CLCN7: variants seen among roughly 807,000 people sequenced by gnomAD.
CLCN7 encodes the protein H(+)/Cl(-) exchange transporter 7.
Under a neutral mutation model 102.1 loss-of-function variants are expected in CLCN7, and 60 were observed. That is an observed-to-expected ratio of 0.59 (90% CI 0.48 to 0.73). CLCN7 has a LOEUF of 0.73. CLCN7 is among the 30% of genes least tolerant of loss of function. The pLI, the probability that CLCN7 is intolerant of heterozygous loss-of-function variation, is 0.00. For synonymous variants in CLCN7, 560 were observed against 490.5 expected, an observed-to-expected ratio of 1.14 and a Z score of -1.87; for missense variants, 962 against 1,125.7, an observed-to-expected ratio of 0.85 and a Z score of 2.08.
intron 1 of CLCN7, among the ~76,000 whole-genome samples, chr16:1,470,216 C>T (rs1037513631): frequency 1.2e-4 from 18 of 152,210 alleles, no homozygotes; most frequent in African/African-American, 4.1e-4. Context: ...AGGCTGGTCT[C>T]TAAGTCCTGG....
intron 16 of CLCN7, 94 bp downstream of exon 16, chr16:1,451,529 G>T: frequency 9.4e-7 from 1 of 1,058,752 alleles, no homozygotes; most frequent in Non-Finnish European, 1.4e-6. Context: ...CCCCAGCCCA[G>T]GGCTGCAACC....
intron 2 of CLCN7, 35 bp from the exon 3 acceptor site, chr16:1,461,709 T>C (rs371557997): frequency 1.6e-5 from 26 of 1,578,278 alleles, no homozygotes; most frequent in Non-Finnish European, 2.1e-5. Flanking sequence ...GAAGCACAGT[T>C]GACAAGGCCA....
rs371040052 is a variant in CLCN7, at chr16:1,457,673, T to C, written c.738+21A>G. 150 of 1,612,502 alleles carry C rather than the reference T, an allele frequency of 9.3e-5. No individual in the cohort carries two copies. Among genetic ancestry groups the C allele is most frequent in the Non-Finnish European group, 1.2e-4 (137 of 1,179,570 alleles). On this transcript the variant is annotated intron_variant, in intron 8 of 24. Transcript: ENST00000382745. The surrounding 1 kb of genome is among the most constrained non-coding windows in gnomAD (Gnocchi z 5.4). ...CGGCGGCCTCAGGCTCCAGCTGGAG[T>C]GGCCATGTGCACTTTGTTACCTTTC...
In CLCN7 at chr16:1,447,408, G is replaced by T; in HGVS notation, c.2234C>A (p.Pro745His). 1.3e-6 allele frequency: 2 copies of T among 1,550,342 alleles called. No homozygotes were observed. Among genetic ancestry groups the T allele is most frequent in the Non-Finnish European group, 1.7e-6 (2 of 1,147,034 alleles). Residue 745 changes from proline (P) to histidine (H), a missense_variant, in exon 23 of 25, where the codon CCC (proline) becomes CAC (histidine). Physicochemically the swap from Pro to His is moderately conservative, Grantham distance 77. Around this residue, in one of 2 missense-constraint regions of CLCN7, gnomAD observed 799 missense variants for 988.0 expected, o/e 0.81. Coordinates refer to ENST00000382745, the MANE Select transcript of CLCN7 (RefSeq NM_001287.6). Reference sequence around the variant, plus strand: ...TGCACATGCCTGGGGCACCGTGTAGGGGGAGGGGTTCATGAACTCGGAGAG... The same window carrying T: ...TGCACATGCCTGGGGCACCGTGTAGTGGGAGGGGTTCATGAACTCGGAGAG... ...MDLSEFMNPS[P>H]YTVPQEASLP...
chr16:1,457,532 C>T lies in CLCN7; in HGVS notation c.738+162G>A, dbSNP rs1282347000. ...GTGCTCAGAGACACGCGTGACGCGGCCCTTCCTGGAGACCAGAAGGACCGG... is the reference window on the plus strand; with the variant it reads ...GTGCTCAGAGACACGCGTGACGCGGTCCTTCCTGGAGACCAGAAGGACCGG... On this transcript the variant is annotated intron_variant, in intron 8 of 24. Transcript: ENST00000382745. The surrounding 1 kb of genome is among the most constrained non-coding windows in gnomAD (Gnocchi z 5.4). 3 of 679,702 alleles carry T rather than the reference C, an allele frequency of 4.4e-6. No individual in the cohort carries two copies. In the African/African-American group the frequency reaches 5.3e-5, roughly 12 times the overall value. The allele number at this position is 679,702 out of a possible 1,614,324, so 42.1% of individuals were successfully genotyped here.
intron 15 of CLCN7, chr16:1,452,408 G>C: frequency 2.9e-6 from 1 of 347,866 alleles, no homozygotes; most frequent in South Asian, 3.3e-5. Context: ...GTGAGCGCCA[G>C]GCACAGGTCC....
In CLCN7 at chr16:1,457,277, T is replaced by G; in HGVS notation, c.799A>C (p.Thr267Pro). ...ACCTTGAAATCTCGTTTCAGTGACG[T>G]TGACCTTCCCTGAGAGATCCCGGCG... is the stretch of plus-strand genomic sequence containing the variant. ...IAAGISQGRSTSLKRDFKIFE... is the reference protein window; with the variant it reads ...IAAGISQGRSPSLKRDFKIFE... The change falls in exon 9 of 25, where the codon ACG becomes CCG. Residue 267 changes from threonine to proline, a missense_variant. Thr to Pro is a conservative substitution (Grantham distance 38). Around this residue, in one of 2 missense-constraint regions of CLCN7, gnomAD observed 799 missense variants for 988.0 expected, o/e 0.81. Coordinates refer to ENST00000382745, the MANE Select transcript of CLCN7 (RefSeq NM_001287.6). The surrounding 1 kb of genome is among the most constrained non-coding windows in gnomAD (Gnocchi z 5.4). 2 of 1,614,070 alleles carry G rather than the reference T, an allele frequency of 1.2e-6. No homozygotes were observed. Among genetic ancestry groups the G allele is most frequent in the Non-Finnish European group, 1.7e-6 (2 of 1,180,020 alleles).
At position 1,461,390 on chromosome 16, in the gene CLCN7, C is replaced by A. The variant is rs774760392; in HGVS notation, c.351+15G>T. ...CCGCACCGTGGGGCCCTGCAGGGAG[C>A]GGCGTCCAGCTCACCGTGTGATTGA... On this transcript the variant is annotated intron_variant, in intron 4 of 24. Transcript: ENST00000382745. The A allele has an allele frequency of 6.5e-7, 1 of 1,547,382 alleles. No individual in the cohort carries two copies.
At position 1,457,809 on chromosome 16, in the gene CLCN7, G is replaced by A; in HGVS notation, c.676-53C>T. The A allele has an allele frequency of 1.3e-6, 2 of 1,557,602 alleles. No individual in the cohort carries two copies. Among genetic ancestry groups the A allele is most frequent in the Non-Finnish European group, 1.8e-6 (2 of 1,129,578 alleles). Reference sequence around the variant, plus strand: ...TGATGAAAAGGCAGGCGCTGTCTTTGGACCTGAGCCGTAAAACAGCACACA... The same window carrying A: ...TGATGAAAAGGCAGGCGCTGTCTTTAGACCTGAGCCGTAAAACAGCACACA... On this transcript the variant is annotated intron_variant, in intron 7 of 24. Coordinates refer to ENST00000382745, the MANE Select transcript of CLCN7 (RefSeq NM_001287.6). The surrounding 1 kb of genome is among the most constrained non-coding windows in gnomAD (Gnocchi z 5.4).
In CLCN7 at chr16:1,450,479, C is replaced by T. The variant is rs1310266427; in HGVS notation, c.1617+18G>A. On this transcript the variant is annotated intron_variant, in intron 17 of 24. Coordinates refer to ENST00000382745, the MANE Select transcript of CLCN7 (RefSeq NM_001287.6). ...CTCAGCTGCAGGGCCCCACAGCCTC[C>T]CCTCCGGCCCCACTCACCGCCGCCC... The T allele has an allele frequency of 6.3e-7, 1 of 1,583,194 alleles. No individual in the cohort carries two copies. The highest frequency in any genetic ancestry group is 8.6e-7 in the Non-Finnish European group (1 of 1,165,506).
intron 15 of CLCN7, chr16:1,452,253 T>C (rs2038763343): frequency 8.5e-6 from 2 of 235,600 alleles, no homozygotes. Flanking sequence ...CCCACTGGTC[T>C]GCTGGGCCTC....
Position 1,452,890 on chromosome 16 carries a change from G to A in CLCN7, c.1218C>T (p.Tyr406=), listed in dbSNP as rs745476997. The A allele has an allele frequency of 1.0e-5, 16 of 1,566,614 alleles. No homozygotes were observed. The highest frequency in any genetic ancestry group is 1.4e-5 in the African/African-American group (1 of 73,596). ...TCACCTGCAGGCAGGGCCGGTGGAT[G>A]TACCTGGAACCAAGAATCAGGCTGC... is the stretch of plus-strand genomic sequence containing the variant. ...NYWLTMFRIR[Y]IHRPCLQVIE... The change falls in exon 15 of 25, where the codon TAC becomes TAT. Residue 406 remains tyrosine, a synonymous_variant. Transcript: ENST00000382745.
At chr16:1,467,044 C>A (rs1222421034) in intron 1 of CLCN7, among the ~76,000 whole-genome samples, 2 of 152,150 alleles carry the variant, frequency 1.3e-5, no homozygotes, top group Non-Finnish European at 1.5e-5. Flanking sequence ...CTGTACACCC[C>A]CCGTGTTGAT....
intron 13 of CLCN7, 122 bp downstream of exon 13, chr16:1,454,289 G>A (rs902094793): frequency 5.3e-5 from 51 of 966,300 alleles, no homozygotes; most frequent in Non-Finnish European, 6.7e-5. Context: ...GGAGGCCCCC[G>A]GGTGGCCCTG....
At chr16:1,447,168 C>T in intron 23 of CLCN7, 82 bp from the exon 24 acceptor site, 3 of 1,374,412 alleles carry the variant, frequency 2.2e-6, no homozygotes, top group East Asian at 2.5e-5. Flanking sequence ...TCCCTGCACC[C>T]CCCACCACGG....
At chr16:1,448,518 C>T (rs1244942367) in intron 20 of CLCN7, 34 bp from the exon 21 acceptor site, 7 of 1,605,826 alleles carry the variant, frequency 4.4e-6, no homozygotes, top group East Asian at 2.2e-5. Flanking sequence ...ATGCCCGTCA[C>T]ACGCCACCAA....
intron 13 of CLCN7, among the ~76,000 whole-genome samples, 181 bp from the exon 14 acceptor site, chr16:1,454,075 T>C (rs902284995): frequency 2.0e-5 from 3 of 152,204 alleles, no homozygotes; most frequent in African/African-American, 7.2e-5. Flanking sequence ...GGGGGAGCTG[T>C]TTCTCAAAGG....
In CLCN7 at chr16:1,457,150, G is replaced by T; in HGVS notation, c.822+104C>A. On this transcript the variant is annotated intron_variant, in intron 9 of 24. Transcript: ENST00000382745. This position sits in a 1 kb window ranked among gnomAD's most constrained non-coding sequence, Gnocchi z 5.4. ...CGCCAGGCTGTCCTCAGATGGGGCT[G>T]GGGCTCTCGGCCTGGGGGTGCTGAG... The T allele has an allele frequency of 9.2e-7, 1 of 1,089,308 alleles. No individual in the cohort carries two copies. Among genetic ancestry groups the T allele is most frequent in the Non-Finnish European group, 1.4e-6 (1 of 710,902 alleles). 67.5% of individuals were successfully genotyped at this position (1,089,308 alleles called of 1,614,324 possible). A position where few individuals can be genotyped will look rare whatever the true frequency, so the allele number is the denominator to read the frequency against.
At position 1,457,884 on chromosome 16, in the gene CLCN7, C is replaced by G; in HGVS notation, c.676-128G>C. On this transcript the variant is annotated intron_variant, in intron 7 of 24. Coordinates refer to ENST00000382745, the MANE Select transcript of CLCN7 (RefSeq NM_001287.6). The surrounding 1 kb of genome is among the most constrained non-coding windows in gnomAD (Gnocchi z 5.4). ...GGGACACGGGGCCTCCGGGAGGGGG[C>G]CAGCACCCCCAGGCTGGGTCTCCCC... 1 of 873,296 alleles carries G rather than the reference C, an allele frequency of 1.1e-6. No individual in the cohort carries two copies. Among genetic ancestry groups the G allele is most frequent in the Non-Finnish European group, 1.9e-6 (1 of 536,750 alleles). 54.1% of individuals were successfully genotyped at this position (873,296 alleles called of 1,614,324 possible). A position where few individuals can be genotyped will look rare whatever the true frequency, so the allele number is the denominator to read the frequency against.
Sources: gnomAD v4.1 joint callset for allele counts (sites outside exome capture counted in the v4.1 genomes callset) on GRCh38, gnomAD v4.1.1 for gene constraint, gnomAD v4.1.1 regional missense constraint, Gnocchi (gnomAD v3.1) non-coding constraint, MANE v1.5 for transcripts, NCBI Gene and HGNC (gene_info 2026-07-23, HGNC 2026-07-21) for gene names.